The following STK32B variants were observed in gnomAD, a reference collection of about 807,000 sequenced individuals.
STK32B encodes the protein serine/threonine kinase 32B, also known as serine/threonine-protein kinase 32B.
A neutral mutation model predicts 52.6 loss-of-function variants in STK32B; 43 were observed. That is an observed-to-expected ratio of 0.82 (90% confidence interval 0.64 to 1.05). The LOEUF is 1.05. Ranked by LOEUF, STK32B falls within the 50% of genes least tolerant of loss-of-function variation. STK32B has a pLI of 0.00. For missense variants in STK32B, 621 were observed against 534.6 expected, an observed-to-expected ratio of 1.16 and a Z score of -1.59; for synonymous variants, 238 against 204.3, an observed-to-expected ratio of 1.17 and a Z score of -1.41.
chr4:5,106,132 A>G (rs1714096274), intron 1 of STK32B, among the ~76,000 whole-genome samples: 1 of 151,616 alleles, frequency 6.6e-6, no homozygotes, highest in Admixed American at 6.6e-5. Flanking sequence ...ATGAAACCCC[A>G]CCTCTGCTAA....
Position 5,469,409 on chromosome 4 carries a change from G to C in STK32B, c.1106+1339G>C, listed in dbSNP as rs897423425. 1.3e-5 allele frequency among the ~76,000 whole-genome samples: 2 copies of C among 152,212 alleles called. No individual in the cohort carries two copies. The highest frequency in any genetic ancestry group is 4.8e-5 in the African/African-American group (2 of 41,454). ...GGGGAAGTTCTCTAGGTGGCGTGCT[G>C]GGCCAAGTCCTAAGGGACATGTAGG... On this transcript the variant is annotated intron_variant, in intron 11 of 11. Coordinates refer to ENST00000282908, the MANE Select transcript of STK32B (RefSeq NM_018401.3). This position sits in a 1 kb window ranked among gnomAD's most constrained non-coding sequence, Gnocchi z 4.7.
rs140492553 is a variant in STK32B, at chr4:5,258,239, G to A, written c.261-72981G>A. 1.4e-3 allele frequency among the ~76,000 whole-genome samples: 212 copies of A among 152,298 alleles called. 2 individuals are homozygous for A. The highest frequency in any genetic ancestry group is 4.2e-3 in the African/African-American group (175 of 41,572). On this transcript the variant is annotated intron_variant, in intron 3 of 11. Coordinates refer to ENST00000282908, the MANE Select transcript of STK32B (RefSeq NM_018401.3). ...GAGAAGTGACACATCTGAGTTAAAC[G>A]TGCAGGGGGACAGTGCCTGGGTTCA...
At chr4:5,109,768 C>T (rs1054304657) in intron 1 of STK32B, among the ~76,000 whole-genome samples, 2 of 152,108 alleles carry the variant, frequency 1.3e-5, no homozygotes, top group Admixed American at 6.5e-5. Flanking sequence ...CTAGCCAGAG[C>T]AATCAGGCAG....
At chr4:5,141,774 G>A (rs1283404602) in intron 2 of STK32B, among the ~76,000 whole-genome samples, 1 of 152,102 alleles carries the variant, frequency 6.6e-6, no homozygotes, top group African/African-American at 2.4e-5. Context: ...GTAGCTCAGA[G>A]GCTGTCTGAT....
chr4:5,186,912 G>A lies in STK32B; in HGVS notation c.260+18462G>A, dbSNP rs1720787396. Among the ~76,000 whole-genome samples the A allele has an allele frequency of 3.3e-5, 5 of 152,246 alleles. No homozygotes were observed. The Middle Eastern group carries it at 0.014, about 414-fold the overall frequency. On this transcript the variant is annotated intron_variant, in intron 3 of 11. Coordinates refer to ENST00000282908, the MANE Select transcript of STK32B (RefSeq NM_018401.3). ...TGACATGAGTTTGTTATTCTTCAGG[G>A]GGCAGGATTGGCAGCTGTGAGTGTG...
At chr4:5,255,428 A>G (rs1021818149) in intron 3 of STK32B, among the ~76,000 whole-genome samples, 26 of 152,016 alleles carry the variant, frequency 1.7e-4, no homozygotes, top group African/African-American at 6.3e-4. Context: ...TTTTAAATTT[A>G]TTTTTTATTT....
intron 11 of STK32B, among the ~76,000 whole-genome samples, chr4:5,483,798 C>G (rs1441729665): frequency 1.3e-5 from 2 of 152,006 alleles, no homozygotes; most frequent in Admixed American, 1.3e-4. Flanking sequence ...TCTTTGTTCT[C>G]GTTGGTTTCA....
At position 5,331,281 on chromosome 4, in the gene STK32B, C is replaced by T. The variant is rs1277221634; in HGVS notation, c.322C>T (p.Leu108=). The T allele has an allele frequency of 6.2e-7, 1 of 1,613,934 alleles. No individual in the cohort carries two copies. The highest frequency in any genetic ancestry group is 8.5e-7 in the Non-Finnish European group (1 of 1,179,890). The part of the protein sequence containing the change: ...MVVDLLLGGD[L]RYHLQQNVHF... ...GGTGGACCTGCTCCTGGGAGGCGACCTGCGCTACCATCTGCAGCAGAATGT... is the reference window on the plus strand; with the variant it reads ...GGTGGACCTGCTCCTGGGAGGCGACTTGCGCTACCATCTGCAGCAGAATGT... Residue 108 remains leucine, a synonymous_variant, in exon 4 of 12, where the codon CTG becomes TTG. Coordinates refer to ENST00000282908, the MANE Select transcript of STK32B (RefSeq NM_018401.3).
At chr4:5,297,639 T>C (rs575046404) in intron 3 of STK32B, among the ~76,000 whole-genome samples, 1 of 96,582 alleles carries the variant, frequency 1.0e-5, no homozygotes, top group African/African-American at 7.4e-5. Flanking sequence ...ATTTATGTTT[T>C]TTTTTTTTTT....
chr4:5,282,881 C>T (rs1483362851), intron 3 of STK32B, among the ~76,000 whole-genome samples: 2 of 152,088 alleles, frequency 1.3e-5, no homozygotes, highest in Non-Finnish European at 2.9e-5. Flanking sequence ...CTGGAATTTT[C>T]CATTTCATAT....
chr4:5,436,377 A>C (rs1483559604), intron 6 of STK32B, among the ~76,000 whole-genome samples: 1 of 152,040 alleles, frequency 6.6e-6, no homozygotes, highest in Non-Finnish European at 1.5e-5. Context: ...CTTAGATGCG[A>C]GAGAACTACA....
At chr4:5,269,813 C>CCAGA (rs3077867) in intron 3 of STK32B, among the ~76,000 whole-genome samples, 15,090 of 151,868 alleles carry the variant, frequency 0.099, 1,162 homozygotes, top group African/African-American at 0.21. Flanking sequence ...GATATGAAAA[C>CCAGA]CAAAGATATA....
intron 1 of STK32B, among the ~76,000 whole-genome samples, chr4:5,135,705 G>T (rs953550476): frequency 2.0e-5 from 3 of 152,156 alleles, no homozygotes; most frequent in East Asian, 1.9e-4. Flanking sequence ...GTCACAAGAT[G>T]GTTGTTGCAG....
chr4:5,317,905 A>G (rs932318517), intron 3 of STK32B, among the ~76,000 whole-genome samples: 3 of 152,140 alleles, frequency 2.0e-5, no homozygotes, highest in Non-Finnish European at 4.4e-5. Flanking sequence ...AACAGCATCA[A>G]CATCACCTGA....
chr4:5,052,714 C>T (rs1461464725), intron 1 of STK32B, among the ~76,000 whole-genome samples: 1 of 152,184 alleles, frequency 6.6e-6, no homozygotes, highest in Non-Finnish European at 1.5e-5. Context: ...TAGTAATCCA[C>T]GTGAAAAGTG....
At chr4:5,404,595 AT>A (rs1459765979) in intron 5 of STK32B, among the ~76,000 whole-genome samples, 1 of 152,068 alleles carries the variant, frequency 6.6e-6, no homozygotes, top group Non-Finnish European at 1.5e-5. Flanking sequence ...TTTCAGTCAA[AT>A]CCAACCTCAT....
chr4:5,240,703 A>T (rs981614718), intron 3 of STK32B, among the ~76,000 whole-genome samples: 2 of 152,142 alleles, frequency 1.3e-5, no homozygotes, highest in African/African-American at 4.8e-5. Context: ...CGGGTGATCC[A>T]GCCACCTCAG....
chr4:5,181,329 G>GACACACACACACACACACACACACAC, intron 3 of STK32B, among the ~76,000 whole-genome samples: 1 of 138,122 alleles, frequency 7.2e-6, no homozygotes, highest in South Asian at 2.4e-4. Context: ...TGGAGAGTGA[G>GACACACACACACACACACACACACAC]ACACACACAC....
chr4:5,142,103 G>A (rs36105402), intron 2 of STK32B, among the ~76,000 whole-genome samples: 146 of 152,310 alleles, frequency 9.6e-4, no homozygotes, highest in Non-Finnish European at 1.5e-3. Flanking sequence ...GTTTGGGTGG[G>A]CACAGAAAAG....
Sources: allele counts gnomAD v4.1 joint callset (sites outside exome capture counted in the v4.1 genomes callset), GRCh38; gene constraint gnomAD v4.1.1; non-coding constraint Gnocchi (gnomAD v3.1); transcripts MANE v1.5; gene names NCBI Gene and HGNC (gene_info 2026-07-23, HGNC 2026-07-21).